The following ABCB5 variants were observed in gnomAD, a reference collection of about 807,000 sequenced individuals.
ABCB5 encodes ATP binding cassette subfamily B member 5.
ABCB5 carries 155 observed loss-of-function variants against 144.2 expected under a neutral mutation model. The ratio of observed to expected loss-of-function variants is 1.08; its 90% CI spans 0.94 to 1.23. ABCB5 has a LOEUF of 1.23. ABCB5 is among the 50% of genes most tolerant of loss of function. The probability of loss-of-function intolerance (pLI) is 0.00; values close to 1 mark genes in which losing one functional copy is unlikely to be tolerated. For synonymous variants in ABCB5, 610 were observed against 528.6 expected, an observed-to-expected ratio of 1.15 and a Z score of -2.11; for missense variants, 1,830 against 1,520.8, an observed-to-expected ratio of 1.20 and a Z score of -3.38.
At chr7:20,660,170 T>A in intron 14 of ABCB5, 1 of 981,054 alleles carries the variant, frequency 1.0e-6, no homozygotes, top group Non-Finnish European at 1.2e-6. Context: ...TATTGGTTAA[T>A]ATGAAACATC....
At chr7:20,618,591 T>G (rs987946768) in intron 1 of ABCB5, among the ~76,000 whole-genome samples, 2 of 152,010 alleles carry the variant, frequency 1.3e-5, no homozygotes, top group African/African-American at 4.8e-5. Context: ...TAGTCTCCAG[T>G]GGCTATTTTT....
chr7:20,623,777 G>A (rs7777443), intron 2 of ABCB5, among the ~76,000 whole-genome samples: 7,144 of 152,166 alleles, frequency 0.047, 529 homozygotes, highest in African/African-American at 0.15. Flanking sequence ...GTTTCTACAC[G>A]TGGAATTCAT....
At chr7:20,754,771 G>A (rs1005772862) in intron 27 of ABCB5, among the ~76,000 whole-genome samples, 4 of 152,178 alleles carry the variant, frequency 2.6e-5, no homozygotes, top group Non-Finnish European at 2.9e-5. Context: ...GTAGAAATTT[G>A]AATAGTATTA....
chr7:20,689,691 G>T (rs1376863653), intron 16 of ABCB5, among the ~76,000 whole-genome samples: 1 of 152,138 alleles, frequency 6.6e-6, no homozygotes, highest in Non-Finnish European at 1.5e-5. Flanking sequence ...AAACCATCCT[G>T]CAGGAGCTTT....
chr7:20,725,636 C>G (rs1419559376), intron 21 of ABCB5, among the ~76,000 whole-genome samples: 1 of 152,164 alleles, frequency 6.6e-6, no homozygotes, highest in Non-Finnish European at 1.5e-5. Flanking sequence ...TGACTATTTT[C>G]TAAGGGTCTG....
intron 27 of ABCB5, among the ~76,000 whole-genome samples, chr7:20,755,036 A>G (rs1783043941): frequency 6.6e-6 from 1 of 151,326 alleles, no homozygotes; most frequent in Non-Finnish European, 1.5e-5. Context: ...GGCAACCTCC[A>G]CCTCCCAGGG....
chr7:20,643,261 C>T lies in ABCB5; in HGVS notation c.392C>T (p.Thr131Ile), dbSNP rs17143212. ...ATACAGATTTCCTTGTGGATTATAA[C>T]TGCAGCACGACAGACCAAGAGGATT... ...GYIQISLWII[T>I]AARQTKRIRK... is the part of the protein sequence containing the mutation. The change falls in exon 6 of 28, where the codon ACT becomes ATT. Residue 131 changes from threonine (T) to isoleucine (I), a missense_variant. Thr to Ile is a moderately conservative substitution (Grantham distance 89, BLOSUM62 -1). Coordinates refer to ENST00000404938, the MANE Select transcript of ABCB5 (RefSeq NM_001163941.2). 0.034 allele frequency: 54,534 copies of T among 1,613,684 alleles called. 1,312 individuals are homozygous for T. The highest frequency in any genetic ancestry group is 0.095 in the East Asian group (4,251 of 44,858).
rs887844493 is a variant in ABCB5 at position 20,738,977 on chromosome 7, T to C, written c.2868-6T>C. On this transcript the variant is annotated splice_polypyrimidine_tract_variant and splice_region_variant and intron_variant, in intron 23 of 27. Coordinates refer to ENST00000404938, the MANE Select transcript of ABCB5 (RefSeq NM_001163941.2). ...CCTAAGATTCAAATGCTTTATCTTTTGATAGAGTTTTTACTGCAATTGCAT... is the reference window on the plus strand; with the variant it reads ...CCTAAGATTCAAATGCTTTATCTTTCGATAGAGTTTTTACTGCAATTGCAT... 21 of 1,584,986 alleles carry C rather than the reference T, an allele frequency of 1.3e-5. No homozygotes were observed. Among genetic ancestry groups the C allele is most frequent in the East Asian group, 1.1e-4 (5 of 43,840 alleles).
chr7:20,720,266 T>C (rs1419757857), intron 20 of ABCB5, among the ~76,000 whole-genome samples: 6 of 152,202 alleles, frequency 3.9e-5, no homozygotes, highest in Non-Finnish European at 7.3e-5. Context: ...TAGTAACAGG[T>C]TATAAACAAC....
intron 20 of ABCB5, among the ~76,000 whole-genome samples, chr7:20,711,492 C>T (rs1371469736): frequency 1.4e-5 from 2 of 143,530 alleles, no homozygotes; most frequent in East Asian, 4.2e-4. Context: ...GACACGGTCT[C>T]ACTCTGTTAT....
intron 14 of ABCB5, chr7:20,660,495 G>C: frequency 1.2e-6 from 1 of 812,474 alleles, no homozygotes; most frequent in Non-Finnish European, 1.5e-6. Flanking sequence ...ATACTCTTCA[G>C]TTTATTGGAA....
chr7:20,642,463 C>G (rs1175491039), intron 5 of ABCB5, among the ~76,000 whole-genome samples: 13 of 152,176 alleles, frequency 8.5e-5, no homozygotes, highest in Non-Finnish European at 1.9e-4. Context: ...CTCTCCCAAC[C>G]CATGTTTACT....
intron 14 of ABCB5, 64 bp from the exon 15 acceptor site, chr7:20,681,441 A>C (rs1021474622): frequency 4.5e-6 from 7 of 1,552,562 alleles, no homozygotes; most frequent in Non-Finnish European, 5.3e-6. Context: ...AAGATTTCTT[A>C]AACAGTGCAA....
intron 20 of ABCB5, among the ~76,000 whole-genome samples, chr7:20,705,571 T>C (rs565764126): frequency 5.9e-5 from 9 of 152,166 alleles, no homozygotes; most frequent in Non-Finnish European, 1.3e-4. Context: ...AAAATTCTAG[T>C]AGAGTTATAG....
intron 21 of ABCB5, among the ~76,000 whole-genome samples, chr7:20,724,342 C>T (rs1013606008): frequency 6.6e-6 from 1 of 151,920 alleles, no homozygotes; most frequent in African/African-American, 2.4e-5. Flanking sequence ...GACTCTACAT[C>T]CAGGTCTTTA....
At chr7:20,662,576 CTG>C (rs1785036907) in intron 14 of ABCB5, among the ~76,000 whole-genome samples, 1 of 151,462 alleles carries the variant, frequency 6.6e-6, no homozygotes, top group African/African-American at 2.4e-5. Flanking sequence ...TATAGCAACA[CTG>C]TAATAGTTGG....
chr7:20,739,017 A>G lies in ABCB5; in HGVS notation c.2902A>G (p.Ile968Val). 1 of 1,612,514 alleles carries G rather than the reference A, an allele frequency of 6.2e-7. No individual in the cohort carries two copies. ...TGCAATTGCATATGGAGCTATGGCC[A>G]TCGGAGAAACGCTCGTTTTGGCTCC... ...FTAIAYGAMA[I>V]GETLVLAPEY... Residue 968 changes from isoleucine to valine, a missense_variant, in exon 24 of 28, where the codon ATC becomes GTC. By Grantham distance (29) the Ile-to-Val change is conservative (BLOSUM62 3). Transcript: ENST00000404938.
At chr7:20,681,934 G>A (rs1785843417) in intron 15 of ABCB5, among the ~76,000 whole-genome samples, 2 of 151,996 alleles carry the variant, frequency 1.3e-5, no homozygotes. Context: ...TGACCAGAAA[G>A]GGTGGCTCAC....
intron 10 of ABCB5, 106 bp downstream of exon 10, chr7:20,647,754 T>C (rs934677086): frequency 2.0e-6 from 3 of 1,472,166 alleles, no homozygotes; most frequent in Non-Finnish European, 2.7e-6. Flanking sequence ...ACAAATTTAA[T>C]GTTGGCCAGT....
Sources: gnomAD v4.1 joint callset for allele counts (sites outside exome capture counted in the v4.1 genomes callset) on GRCh38, gnomAD v4.1.1 for gene constraint, MANE v1.5 for transcripts, NCBI Gene and HGNC (gene_info 2026-07-23, HGNC 2026-07-21) for gene names.